ZNF91: variants seen among roughly 807,000 people sequenced by gnomAD.
ZNF91 encodes zinc finger protein 91 (HPF7, HTF10).
ZNF91 carries 7 observed loss-of-function variants against 12.6 expected under a neutral mutation model. The ratio of observed to expected loss-of-function variants is 0.55; its 90% CI spans 0.31 to 1.04. The LOEUF is 1.04. ZNF91 is among the 50% of genes least tolerant of loss of function. ZNF91 has a pLI of 0.05. For missense variants in ZNF91, 1,217 were observed against 1,385.4 expected, an observed-to-expected ratio of 0.88 and a Z score of 1.93; for synonymous variants, 453 against 462.6, an observed-to-expected ratio of 0.98 and a Z score of 0.27.
At chr19:23,370,714 C>T (rs941955075) in intron 3 of ZNF91, among the ~76,000 whole-genome samples, 1 of 152,090 alleles carries the variant, frequency 6.6e-6, no homozygotes, top group Non-Finnish European at 1.5e-5. Context: ...ATATTTTGCC[C>T]AGGCTGGTCT....
intron 1 of ZNF91, among the ~76,000 whole-genome samples, chr19:23,390,189 G>C (rs1043985294): frequency 1.3e-5 from 2 of 152,088 alleles, no homozygotes; most frequent in Non-Finnish European, 2.9e-5. Context: ...GGTAGCACAT[G>C]CCTGTAATCT....
At chr19:23,315,865 A>G (rs1042317226) in intron 1 of ZNF91, among the ~76,000 whole-genome samples, 3 of 152,076 alleles carry the variant, frequency 2.0e-5, no homozygotes, top group Non-Finnish European at 4.4e-5. Flanking sequence ...GAACCTAAGT[A>G]ATGTGACTCT....
At chr19:23,329,087 TAC>T (rs1459659139) in intron 1 of ZNF91, 2 of 152,246 alleles carry the variant, frequency 1.3e-5, no homozygotes, top group African/African-American at 2.4e-5. Flanking sequence ...GAAAATAAAT[TAC>T]ATTCTATGAA....
At chr19:23,364,214 G>C (rs542597070) in intron 3 of ZNF91, among the ~76,000 whole-genome samples, 1 of 152,258 alleles carries the variant, frequency 6.6e-6, no homozygotes, top group Admixed American at 6.5e-5. Flanking sequence ...AGCTACTTGG[G>C]AGGCTAAGGC....
chr19:23,367,234 G>T (rs1969053278), intron 3 of ZNF91, among the ~76,000 whole-genome samples: 1 of 152,224 alleles, frequency 6.6e-6, no homozygotes, highest in African/African-American at 2.4e-5. Flanking sequence ...TGAGGCTGCA[G>T]TGAGTCAAGA....
intron 3 of ZNF91, among the ~76,000 whole-genome samples, chr19:23,370,541 C>T (rs940375226): frequency 1.6e-4 from 24 of 152,150 alleles, no homozygotes; most frequent in African/African-American, 5.3e-4. Context: ...CTCAATCTGT[C>T]ACACAAGCTT....
At position 23,395,445 on chromosome 19, in the gene ZNF91, C is replaced by T. The variant is rs553368643; in HGVS notation, c.-91G>A. ...GGACACAGAGCAGTGAAGTCGAGAC[C>T]TGGAAACTCCGGCGGCAGCGAGAGA... On this transcript the variant is annotated 5_prime_UTR_variant, in exon 1 of 4. Transcript: ENST00000300619. The T allele has an allele frequency of 6.0e-6, 9 of 1,493,964 alleles. No homozygotes were observed. Among genetic ancestry groups the T allele is most frequent in the East Asian group, 2.3e-5 (1 of 43,460 alleles). 92.5% of individuals were successfully genotyped at this position (1,493,964 alleles called of 1,614,324 possible). A position where few individuals can be genotyped will look rare whatever the true frequency, so the allele number is the denominator to read the frequency against.
chr19:23,339,029 A>G (rs979548901), exon 4 of ZNF91: 2 of 151,400 alleles, frequency 1.3e-5, no homozygotes, highest in Non-Finnish European at 2.9e-5. Flanking sequence ...ACTGCACTCC[A>G]GCCTGGCGAT....
chr19:23,345,434 A>G (rs1312436669), intron 3 of ZNF91, among the ~76,000 whole-genome samples: 5 of 152,172 alleles, frequency 3.3e-5, no homozygotes, highest in African/African-American at 9.7e-5. Flanking sequence ...GGACTTTACA[A>G]TTTTAACTGA....
chr19:23,392,018 T>C (rs1018525970), intron 1 of ZNF91, among the ~76,000 whole-genome samples: 2 of 152,228 alleles, frequency 1.3e-5, no homozygotes, highest in South Asian at 2.1e-4. Flanking sequence ...TTACATCTTA[T>C]ACCTCAGTAA....
intron 1 of ZNF91, chr19:23,326,203 T>C (rs1967834283): frequency 6.6e-6 from 1 of 151,340 alleles, no homozygotes. Flanking sequence ...TACCCCCATC[T>C]ATCAAGTCTG....
chr19:23,369,645 T>G (rs902099698), intron 3 of ZNF91, among the ~76,000 whole-genome samples: 1 of 151,532 alleles, frequency 6.6e-6, no homozygotes, highest in Admixed American at 6.6e-5. Context: ...GGAGACTCCA[T>G]TTTGTTCTGT....
intron 1 of ZNF91, chr19:23,324,249 C>CT (rs1967793624): frequency 6.6e-6 from 1 of 152,040 alleles, no homozygotes; most frequent in Non-Finnish European, 1.5e-5. Context: ...TCCCCCTCTC[C>CT]TTTTTTTCTC....
chr19:23,375,411 G>A (rs868127999), intron 1 of ZNF91, among the ~76,000 whole-genome samples: 12 of 152,012 alleles, frequency 7.9e-5, no homozygotes, highest in South Asian at 2.1e-4. Context: ...CTCCCGCCTC[G>A]GCCTCCCAAA....
chr19:23,363,353 G>A (rs1568387857), intron 3 of ZNF91, among the ~76,000 whole-genome samples: 1 of 152,182 alleles, frequency 6.6e-6, no homozygotes, highest in Admixed American at 6.5e-5. Flanking sequence ...ATGAAAGTTT[G>A]AGTCTGCTGA....
exon 3 of ZNF91, chr19:23,307,358 C>T (rs1479607420): frequency 6.6e-6 from 1 of 152,138 alleles, no homozygotes; most frequent in Non-Finnish European, 1.5e-5. Flanking sequence ...ATCTGCGAAT[C>T]CAGAGCTTAG....
downstream of ZNF91, among the ~76,000 whole-genome samples, chr19:23,353,296 C>A (rs1434360085): frequency 1.3e-5 from 2 of 152,068 alleles, no homozygotes; most frequent in Non-Finnish European, 2.9e-5. Flanking sequence ...GAAATCAACT[C>A]CCAAAGGAAC....
rs751814600 is a variant in ZNF91, at chr19:23,362,477, T to A, written c.502A>T (p.Asn168Tyr). ...KYLKVFYKFL[N>Y]SNRHTIRHTG... ...TGTCTTATCGTATGTCTGTTTGAAT[T>A]TAAAAATTTATAGAAGACTTTCAAA... Residue 168 changes from asparagine to tyrosine, a missense_variant, in exon 4 of 4, where the codon AAT becomes TAT. Physicochemically the swap from Asn to Tyr is moderately radical, Grantham distance 143. Coordinates refer to ENST00000300619, the MANE Select transcript of ZNF91 (RefSeq NM_003430.4). 1.9e-6 allele frequency: 3 copies of A among 1,604,520 alleles called. No homozygotes were observed. Among genetic ancestry groups the A allele is most frequent in the Non-Finnish European group, 2.5e-6 (3 of 1,177,042 alleles).
At chr19:23,391,834 T>A (rs1455586981) in intron 1 of ZNF91, among the ~76,000 whole-genome samples, 1 of 152,044 alleles carries the variant, frequency 6.6e-6, no homozygotes, top group East Asian at 1.9e-4. Flanking sequence ...TTTAAAAACC[T>A]CCTTTTGCAG....
Sources: gnomAD v4.1 joint callset for allele counts (sites outside exome capture counted in the v4.1 genomes callset) on GRCh38, gnomAD v4.1.1 for gene constraint, MANE v1.5 for transcripts, NCBI Gene and HGNC (gene_info 2026-07-23, HGNC 2026-07-21) for gene names.